The following ZNRF2 variants were observed in gnomAD, a reference collection of about 807,000 sequenced individuals.
The protein encoded by ZNRF2 is E3 ubiquitin-protein ligase ZNRF2.
A neutral mutation model predicts 20.4 loss-of-function variants in ZNRF2; 16 were observed. The ratio of observed to expected loss-of-function variants is 0.79; its 90% CI spans 0.53 to 1.19. The LOEUF is 1.19. Ranked by LOEUF, ZNRF2 falls within the 50% of genes most tolerant of loss-of-function variation. The pLI is 0.00. For synonymous variants in ZNRF2, 178 were observed against 144.9 expected, an observed-to-expected ratio of 1.23 and a Z score of -1.64; for missense variants, 363 against 332.4, an observed-to-expected ratio of 1.09 and a Z score of -0.72.
At chr7:30,321,862 C>A (rs979152498) in intron 1 of ZNRF2, among the ~76,000 whole-genome samples, 1 of 152,002 alleles carries the variant, frequency 6.6e-6, no homozygotes, top group Non-Finnish European at 1.5e-5. Context: ...CTGTGTTTGG[C>A]CATTATAGTT....
At chr7:30,343,179 G>T (rs1023607590) in intron 2 of ZNRF2, among the ~76,000 whole-genome samples, 1 of 152,040 alleles carries the variant, frequency 6.6e-6, no homozygotes, top group Non-Finnish European at 1.5e-5. Context: ...ACCAAGCGTG[G>T]TGGTGCATGC....
intron 2 of ZNRF2, among the ~76,000 whole-genome samples, chr7:30,349,864 A>G (rs1412323410): frequency 6.6e-6 from 1 of 152,048 alleles, no homozygotes; most frequent in Non-Finnish European, 1.5e-5. Flanking sequence ...GTTCATGTAG[A>G]CAACTCATTT....
In ZNRF2 at chr7:30,290,346, G is replaced by A. The variant is rs550933264; in HGVS notation, c.469+4520G>A. ...TTCTAAGCAACACGTTTATTGCCTT[G>A]CAATTTCTGTGGGTCAAGAGGCTGG... On this transcript the variant is annotated intron_variant, in intron 1 of 4. Coordinates refer to ENST00000323037, the MANE Select transcript of ZNRF2 (RefSeq NM_147128.4). 5.9e-5 allele frequency among the ~76,000 whole-genome samples: 9 copies of A among 152,322 alleles called. No homozygotes were observed. The South Asian group carries it at 1.9e-3, about 32-fold the overall frequency.
At chr7:30,358,834 C>G (rs765420134) in intron 3 of ZNRF2, among the ~76,000 whole-genome samples, 3 of 152,178 alleles carry the variant, frequency 2.0e-5, no homozygotes, top group Non-Finnish European at 4.4e-5. Context: ...TCCACTGATT[C>G]TCTGTGTGAT....
At chr7:30,355,096 A>G (rs1800016258) in intron 2 of ZNRF2, among the ~76,000 whole-genome samples, 1 of 152,088 alleles carries the variant, frequency 6.6e-6, no homozygotes, top group African/African-American at 2.4e-5. Context: ...TTTGGAAGCC[A>G]CTCTAATTAA....
intron 1 of ZNRF2, 43 bp from the exon 2 acceptor site, chr7:30,323,599 T>A: frequency 7.8e-7 from 1 of 1,279,164 alleles, no homozygotes; most frequent in Non-Finnish European, 1.1e-6. Context: ...CATAGCTGGA[T>A]ATTCAGAATA....
rs70980598 is a variant in ZNRF2 at position 30,346,170 on chromosome 7, A to ATTTTTTT, written c.566-9530_566-9524dup. Among the ~76,000 whole-genome samples the ATTTTTTT allele has an allele frequency of 4.0e-3, 94 of 23,704 alleles. 14 individuals carry two copies. The highest frequency in any genetic ancestry group is 0.062 in the Middle Eastern group (1 of 16). 15.6% of individuals were successfully genotyped at this position (23,704 alleles called of 152,430 possible). A position where few individuals can be genotyped will look rare whatever the true frequency, so the allele number is the denominator to read the frequency against. On this transcript the variant is annotated intron_variant, in intron 2 of 4. Coordinates refer to ENST00000323037, the MANE Select transcript of ZNRF2 (RefSeq NM_147128.4). ...TGTTTTTTTTTTTCTGTTAAGTCTGATTTTTTTTTTTTTTTTTTTTTTTTT... is the reference window on the plus strand; with the variant it reads ...TGTTTTTTTTTTTCTGTTAAGTCTGATTTTTTTTTTTTTTTTTTTTTTTTTTTTTTTT...
At chr7:30,362,310 C>T in intron 3 of ZNRF2, 67 bp from the exon 4 acceptor site, 1 of 1,087,244 alleles carries the variant, frequency 9.2e-7, no homozygotes. Context: ...AGTATTTTTA[C>T]TGTGGCTCTC....
At chr7:30,291,147 G>A (rs528709449) in intron 1 of ZNRF2, among the ~76,000 whole-genome samples, 5 of 152,336 alleles carry the variant, frequency 3.3e-5, no homozygotes, top group East Asian at 1.9e-4. Context: ...ATCCACAAAA[G>A]TGTGGGTTTT....
At chr7:30,289,095 T>C (rs1562601481) in intron 1 of ZNRF2, 1 of 152,122 alleles carries the variant, frequency 6.6e-6, no homozygotes. Context: ...GAAGTGAAAA[T>C]GTAAAATGAC....
intron 1 of ZNRF2, among the ~76,000 whole-genome samples, chr7:30,293,459 G>A (rs1798949543): frequency 6.6e-6 from 1 of 152,120 alleles, no homozygotes; most frequent in Non-Finnish European, 1.5e-5. Context: ...ATGTTGGCCA[G>A]GCTAGTCTTG....
intron 1 of ZNRF2, among the ~76,000 whole-genome samples, chr7:30,314,827 T>C (rs1799344311): frequency 6.6e-6 from 1 of 151,562 alleles, no homozygotes; most frequent in South Asian, 2.1e-4. Flanking sequence ...GTATGTATTT[T>C]TTTTTTTTGG....
chr7:30,305,608 G>A (rs1398261716), intron 1 of ZNRF2, among the ~76,000 whole-genome samples: 3 of 151,962 alleles, frequency 2.0e-5, no homozygotes, highest in African/African-American at 7.2e-5. Context: ...TTTTAGCAAG[G>A]AGTACACTTT....
chr7:30,293,458 A>G (rs538585698), intron 1 of ZNRF2, among the ~76,000 whole-genome samples: 3 of 152,278 alleles, frequency 2.0e-5, no homozygotes, highest in East Asian at 1.9e-4. Context: ...CATGTTGGCC[A>G]GGCTAGTCTT....
chr7:30,347,662 G>A (rs991021019), intron 2 of ZNRF2, among the ~76,000 whole-genome samples: 4 of 152,140 alleles, frequency 2.6e-5, no homozygotes, highest in Non-Finnish European at 1.5e-5. Flanking sequence ...GCAGTGAGCT[G>A]AGATTGTACC....
At chr7:30,295,048 AGAGTGTGTGTGTGTGT>A (rs1184218191) in intron 1 of ZNRF2, among the ~76,000 whole-genome samples, 145 of 79,090 alleles carry the variant, frequency 1.8e-3, no homozygotes, top group African/African-American at 8.0e-3. Context: ...AGAGAGAGAG[AGAGTGTGTGTGTGTGT>A]GTGTGTGTGT....
chr7:30,289,865 C>A (rs752029293), intron 1 of ZNRF2: 2 of 534,466 alleles, frequency 3.7e-6, no homozygotes, highest in East Asian at 1.1e-4. Flanking sequence ...GTCTTACTCC[C>A]TCAGGCACAT....
chr7:30,357,341 TAAA>T (rs2127956847), intron 3 of ZNRF2, among the ~76,000 whole-genome samples: 1 of 151,214 alleles, frequency 6.6e-6, no homozygotes, highest in Non-Finnish European at 1.5e-5. Flanking sequence ...ATGTCACTAA[TAAA>T]AAGATAAATA....
At chr7:30,328,929 C>T (rs1161794547) in intron 2 of ZNRF2, among the ~76,000 whole-genome samples, 1 of 152,114 alleles carries the variant, frequency 6.6e-6, no homozygotes, top group South Asian at 2.1e-4. Context: ...TATTCAACAA[C>T]ATAGATTACC....
Sources: allele counts gnomAD v4.1 joint callset (sites outside exome capture counted in the v4.1 genomes callset), GRCh38; gene constraint gnomAD v4.1.1; transcripts MANE v1.5; gene names NCBI Gene and HGNC (gene_info 2026-07-23, HGNC 2026-07-21).